SLC4A4: variants seen among roughly 807,000 people sequenced by gnomAD.
SLC4A4 encodes solute carrier family 4 member 4, also known as electrogenic sodium bicarbonate cotransporter 1.
A neutral mutation model predicts 111.5 loss-of-function variants in SLC4A4; 27 were observed. The ratio of observed to expected loss-of-function variants is 0.24; its 90% confidence interval spans 0.18 to 0.33. SLC4A4 has a LOEUF of 0.33. Among genes scored for constraint, SLC4A4 ranks in the 10% least tolerant of loss-of-function variants. The pLI is 1.00. For synonymous variants in SLC4A4, 443 were observed against 463.4 expected (o/e 0.96, Z 0.57); for missense variants, 909 against 1,315.5 (o/e 0.69, Z 4.78).
At chr4:71,178,021 A>G (rs542069178) in intron 2 of SLC4A4, among the ~76,000 whole-genome samples, 4 of 152,338 alleles carry the variant, frequency 2.6e-5, no homozygotes, top group Non-Finnish European at 5.9e-5. Context: ...CAGGATTAAG[A>G]AACTCACTCA....
intron 7 of SLC4A4, among the ~76,000 whole-genome samples, chr4:71,402,441 T>G (rs1223970141): frequency 6.6e-6 from 1 of 152,176 alleles, no homozygotes; most frequent in Non-Finnish European, 1.5e-5. Flanking sequence ...GCACCTCCTT[T>G]TCCTTTCCAT....
At chr4:71,504,649 C>G (rs1336995784) in intron 16 of SLC4A4, among the ~76,000 whole-genome samples, 2 of 120,802 alleles carry the variant, frequency 1.7e-5, no homozygotes, top group Non-Finnish European at 3.6e-5. Context: ...CTACTGAAGA[C>G]TTATTGTGTT....
intron 15 of SLC4A4, among the ~76,000 whole-genome samples, chr4:71,496,299 A>T (rs1730398229): frequency 6.6e-6 from 1 of 151,988 alleles, no homozygotes; most frequent in African/African-American, 2.4e-5. Flanking sequence ...GCAGATTCAG[A>T]TATAGGGATT....
intron 3 of SLC4A4, among the ~76,000 whole-genome samples, chr4:71,335,609 A>T (rs1268836140): frequency 1.3e-5 from 2 of 152,130 alleles, no homozygotes; most frequent in Non-Finnish European, 2.9e-5. Flanking sequence ...GGGGATCACA[A>T]GGTTGGGAGA....
intron 2 of SLC4A4, among the ~76,000 whole-genome samples, chr4:71,142,463 AG>A (rs1443536289): frequency 6.6e-6 from 1 of 152,158 alleles, no homozygotes; most frequent in Non-Finnish European, 1.5e-5. Context: ...TCCCTGTTTT[AG>A]GAGAAAATAG....
intron 5 of SLC4A4, among the ~76,000 whole-genome samples, chr4:71,353,892 G>A (rs1261690050): frequency 3.9e-5 from 6 of 152,168 alleles, no homozygotes; most frequent in South Asian, 2.1e-4. Context: ...CACACCATGT[G>A]AGGGCCCTGC....
chr4:71,385,303 A>T (rs1301083904), intron 6 of SLC4A4, among the ~76,000 whole-genome samples: 2 of 143,500 alleles, frequency 1.4e-5, no homozygotes, highest in Non-Finnish European at 3.0e-5. Flanking sequence ...GGTTCAAGTG[A>T]TTCTCCTGCC....
intron 1 of SLC4A4, among the ~76,000 whole-genome samples, chr4:71,231,639 C>T (rs1016527275): frequency 4.6e-5 from 7 of 152,156 alleles, no homozygotes; most frequent in Non-Finnish European, 1.0e-4. Flanking sequence ...TGACCCTTAT[C>T]CCCGTGATGC....
chr4:71,098,431 T>C lies in SLC4A4; in HGVS notation c.-2+5639T>C, dbSNP rs571753915. On this transcript the variant is annotated intron_variant, in intron 2 of 26. Transcript: ENST00000649996. ...CCATGCTGTTTTGGTTACTGTAGAC[T>C]TGTAGTGTAGTTTGAAGTCAGGTAG... Among the ~76,000 whole-genome samples, 19 of 152,310 alleles carry C rather than the reference T, an allele frequency of 1.2e-4. No homozygotes were observed. The South Asian group carries it at 3.1e-3, about 25-fold the overall frequency.
At chr4:71,362,509 A>C (rs1042848914) in intron 6 of SLC4A4, among the ~76,000 whole-genome samples, 28 of 152,204 alleles carry the variant, frequency 1.8e-4, no homozygotes, top group Non-Finnish European at 8.8e-5. Context: ...GGGAAGAAAA[A>C]TCTTATATTG....
At chr4:71,100,982 G>A (rs1190160242) in intron 2 of SLC4A4, among the ~76,000 whole-genome samples, 2 of 152,206 alleles carry the variant, frequency 1.3e-5, no homozygotes, top group African/African-American at 4.8e-5. Context: ...ATGCTCGGCT[G>A]GGCGTGGTGG....
intron 2 of SLC4A4, among the ~76,000 whole-genome samples, chr4:71,131,528 C>T (rs1743706537): frequency 6.6e-6 from 1 of 152,148 alleles, no homozygotes. Flanking sequence ...GTAAAAAGCT[C>T]AGAATAAGCA....
intron 2 of SLC4A4, among the ~76,000 whole-genome samples, chr4:71,131,818 G>A (rs141961031): frequency 2.0e-5 from 3 of 152,144 alleles, no homozygotes; most frequent in African/African-American, 2.4e-5. Flanking sequence ...CTGGAGTCCC[G>A]AGCCCATGAG....
intron 3 of SLC4A4, among the ~76,000 whole-genome samples, chr4:71,256,494 G>C (rs961055540): frequency 6.6e-6 from 1 of 152,166 alleles, no homozygotes; most frequent in Non-Finnish European, 1.5e-5. Flanking sequence ...AATACAGGTG[G>C]ACCATCGAAT....
At chr4:71,378,798 A>G (rs192034483) in intron 6 of SLC4A4, among the ~76,000 whole-genome samples, 6 of 152,270 alleles carry the variant, frequency 3.9e-5, no homozygotes, top group African/African-American at 1.4e-4. Flanking sequence ...GGTAAGCTGA[A>G]TATTTATTGT....
At chr4:71,281,059 T>G (rs1331189969) in intron 3 of SLC4A4, among the ~76,000 whole-genome samples, 2 of 152,198 alleles carry the variant, frequency 1.3e-5, no homozygotes, top group Non-Finnish European at 2.9e-5. Flanking sequence ...AATCTTTACA[T>G]AAGTGAGAGT....
upstream of SLC4A4, among the ~76,000 whole-genome samples, chr4:71,184,764 C>A (rs187200999): frequency 3.4e-3 from 520 of 152,174 alleles, 2 homozygotes; most frequent in African/African-American, 0.012. Flanking sequence ...GAAAAGCAAT[C>A]GAAAGTGATC....
intron 3 of SLC4A4, among the ~76,000 whole-genome samples, chr4:71,297,340 T>G (rs539898942): frequency 1.6e-4 from 24 of 152,316 alleles, no homozygotes; most frequent in African/African-American, 5.8e-4. Context: ...TTACTACCCC[T>G]GAGCACTGCA....
intron 14 of SLC4A4, among the ~76,000 whole-genome samples, chr4:71,479,076 G>T (rs1359175284): frequency 6.6e-6 from 1 of 151,574 alleles, no homozygotes; most frequent in Non-Finnish European, 1.5e-5. Flanking sequence ...ATAAAAGTAA[G>T]AAAAATAGCC....
Sources: allele counts gnomAD v4.1 joint callset (sites outside exome capture counted in the v4.1 genomes callset), GRCh38; gene constraint gnomAD v4.1.1; transcripts MANE v1.5; gene names NCBI Gene and HGNC (gene_info 2026-07-23, HGNC 2026-07-21).